RIOX2: variants seen among roughly 807,000 people sequenced by gnomAD.
The protein encoded by RIOX2 is ribosomal oxygenase 2.
Under a neutral mutation model 51.2 loss-of-function variants are expected in RIOX2, and 43 were observed. The observed-to-expected ratio is 0.84, with a 90% CI of 0.66 to 1.08. RIOX2 has a LOEUF of 1.08. RIOX2 is among the 50% of genes least tolerant of loss of function. RIOX2 has a pLI of 0.00. For missense variants in RIOX2, 566 were observed against 561.7 expected (o/e 1.01, Z -0.08); for synonymous variants, 226 against 218.5 (o/e 1.03, Z -0.30).
At position 97,967,642 on chromosome 3, in the gene RIOX2, G is replaced by C; in HGVS notation, c.-39-10C>G. The C allele has an allele frequency of 6.7e-7, 1 of 1,501,814 alleles. No homozygotes were observed. Among genetic ancestry groups the C allele is most frequent in the Non-Finnish European group, 8.8e-7 (1 of 1,130,688 alleles). The allele number at this position is 1,501,814 out of a possible 1,614,324, so 93.0% of individuals were successfully genotyped here. On this transcript the variant is annotated splice_polypyrimidine_tract_variant and intron_variant, in intron 1 of 9. Coordinates refer to ENST00000394198, the MANE Select transcript of RIOX2 (RefSeq NM_153182.4). ...GTAAGGAAATGCAAACCTACCAAAA[G>C]AACAAAACACACATGGTTAGGTTTA... is the stretch of plus-strand genomic sequence containing the variant.
chr3:97,959,295 G>T, intron 3 of RIOX2, 116 bp from the exon 4 acceptor site: 42 of 498,068 alleles, frequency 8.4e-5, no homozygotes, highest in East Asian at 1.3e-4. Flanking sequence ...GGTGAACCTT[G>T]AACAACACAG....
At chr3:97,947,338 A>T (rs751188818) in intron 8 of RIOX2, 23 bp downstream of exon 8, 5 of 1,500,066 alleles carry the variant, frequency 3.3e-6, no homozygotes, top group South Asian at 1.2e-5. Context: ...AAGACAGGAA[A>T]TCTCCTCCTC....
intron 2 of RIOX2, among the ~76,000 whole-genome samples, chr3:97,963,843 G>A (rs903575691): frequency 1.3e-5 from 2 of 152,176 alleles, no homozygotes; most frequent in Non-Finnish European, 2.9e-5. Context: ...TACTAGAAGA[G>A]ATCTGGAGTC....
chr3:97,943,632 T>C lies in RIOX2; in HGVS notation c.*1552A>G. 3.4e-6 allele frequency: 1 copy of C among 290,278 alleles called. No individual in the cohort carries two copies. Among genetic ancestry groups the C allele is most frequent in the Non-Finnish European group, 6.3e-6 (1 of 158,274 alleles). 18.0% of individuals were successfully genotyped at this position (290,278 alleles called of 1,614,324 possible). A position where few individuals can be genotyped will look rare whatever the true frequency, so the allele number is the denominator to read the frequency against. On this transcript the variant is annotated 3_prime_UTR_variant, in exon 10 of 10. Coordinates refer to ENST00000394198, the MANE Select transcript of RIOX2 (RefSeq NM_153182.4). ...ATCCACCAAACGTGAATCCTGTTCCTGATGGCCCGTTATTGGACACTGGTG... is the reference window on the plus strand; with the variant it reads ...ATCCACCAAACGTGAATCCTGTTCCCGATGGCCCGTTATTGGACACTGGTG...
chr3:97,952,616 A>G (rs1308360343), intron 5 of RIOX2, among the ~76,000 whole-genome samples: 1 of 152,236 alleles, frequency 6.6e-6, no homozygotes, highest in Non-Finnish European at 1.5e-5. Flanking sequence ...AGAGAATTAC[A>G]GAAAGGGAGT....
chr3:97,953,382 A>AT (rs533480158), intron 5 of RIOX2, among the ~76,000 whole-genome samples: 3,011 of 145,538 alleles, frequency 0.021, 64 homozygotes, highest in African/African-American at 0.058. Context: ...CATGACTAGT[A>AT]TTTTTTTTTT....
intron 5 of RIOX2, among the ~76,000 whole-genome samples, chr3:97,951,816 C>G (rs1705266842): frequency 6.6e-6 from 1 of 152,232 alleles, no homozygotes; most frequent in Admixed American, 6.5e-5. Flanking sequence ...GGCGGCCTCA[C>G]TGCTTTGTGA....
rs2040286019 is a variant in RIOX2, at chr3:97,943,684, A to G, written c.*1500T>C. On this transcript the variant is annotated 3_prime_UTR_variant, in exon 10 of 10. Coordinates refer to ENST00000394198, the MANE Select transcript of RIOX2 (RefSeq NM_153182.4). ...TGCTATTATCCTGTATTATTTATTAATATCCTACCTAGATGCTTGTATGAG... is the reference window on the plus strand; with the variant it reads ...TGCTATTATCCTGTATTATTTATTAGTATCCTACCTAGATGCTTGTATGAG... 2 of 200,566 alleles carry G rather than the reference A, an allele frequency of 1.0e-5. No homozygotes were observed. Among genetic ancestry groups the G allele is most frequent in the African/African-American group, 2.4e-5 (1 of 41,952 alleles). The allele number at this position is 200,566 out of a possible 1,614,324, so 12.4% of individuals were successfully genotyped here. A position where few individuals can be genotyped will look rare whatever the true frequency, so the allele number is the denominator to read the frequency against.
chr3:97,960,665 T>G (rs771107884), intron 3 of RIOX2, among the ~76,000 whole-genome samples: 110 of 152,352 alleles, frequency 7.2e-4, no homozygotes, highest in Non-Finnish European at 1.4e-3. Context: ...CTGGGTTTTA[T>G]TTTTAAAAAC....
intron 1 of RIOX2, chr3:97,971,788 C>G (rs1334979026): frequency 6.6e-6 from 1 of 152,258 alleles, no homozygotes; most frequent in Non-Finnish European, 1.5e-5. Flanking sequence ...TTCCTGAAAA[C>G]AGTGAATAAC....
At chr3:97,946,348 A>G (rs1476795170) in intron 8 of RIOX2, among the ~76,000 whole-genome samples, 1 of 151,806 alleles carries the variant, frequency 6.6e-6, no homozygotes, top group Non-Finnish European at 1.5e-5. Flanking sequence ...CAGCTGTGTG[A>G]TCGATAAAAA....
chr3:97,959,436 C>A (rs202160480), intron 3 of RIOX2, among the ~76,000 whole-genome samples: 1 of 151,776 alleles, frequency 6.6e-6, no homozygotes, highest in Non-Finnish European at 1.5e-5. Context: ...TCCTCTTGCC[C>A]TAGCTTCCTG....
chr3:97,943,050 A>C lies in RIOX2; in HGVS notation c.*2134T>G. 1.7e-6 allele frequency: 1 copy of C among 574,088 alleles called. No homozygotes were observed. Among genetic ancestry groups the C allele is most frequent in the Non-Finnish European group, 3.1e-6 (1 of 326,640 alleles). The allele number at this position is 574,088 out of a possible 1,614,324, so 35.6% of individuals were successfully genotyped here. On this transcript the variant is annotated 3_prime_UTR_variant, in exon 10 of 10. Transcript: ENST00000394198. ...TTCAATTTGAGTCATAATAAGGTCC[A>C]ATTTGAGGTGAATAATGGCTAAGCC...
intron 4 of RIOX2, among the ~76,000 whole-genome samples, chr3:97,958,097 T>C (rs1705521065): frequency 6.6e-6 from 1 of 152,204 alleles, no homozygotes; most frequent in Non-Finnish European, 1.5e-5. Context: ...TCCTGTAATA[T>C]AGGCACCCAT....
In RIOX2 at chr3:97,967,283, C is replaced by T. The variant is rs746870428; in HGVS notation, c.311G>A (p.Arg104Gln). 6.6e-5 allele frequency: 107 copies of T among 1,613,974 alleles called. No individual in the cohort carries two copies. Among genetic ancestry groups the T allele is most frequent in the Middle Eastern group, 4.9e-4 (3 of 6,084 alleles). ...MYYGRDVNVC[R>Q]CVNGKKKVLN... is the part of the protein sequence containing the mutation. ...AACCTTCTTCTTCCCATTGACACAC[C>T]GGCAGACATTCACATCTCTTCCATA... is the stretch of plus-strand genomic sequence containing the variant. The change falls in exon 2 of 10, where the codon CGG (arginine) becomes CAG (glutamine). Residue 104 changes from arginine (R) to glutamine (Q), a missense_variant. Transcript: ENST00000394198.
intron 1 of RIOX2, chr3:97,971,651 A>G (rs1347926993): frequency 6.6e-6 from 1 of 152,218 alleles, no homozygotes; most frequent in African/African-American, 2.4e-5. Context: ...AAAAACCAGT[A>G]CCAGCAGAAG....
At chr3:97,970,209 T>C (rs1243957561) in intron 1 of RIOX2, among the ~76,000 whole-genome samples, 1 of 152,224 alleles carries the variant, frequency 6.6e-6, no homozygotes, top group African/African-American at 2.4e-5. Context: ...CTTAAAAGAA[T>C]CTTTCCCATC....
intron 5 of RIOX2, chr3:97,952,291 T>G (rs1253440664): frequency 8.3e-7 from 1 of 1,198,926 alleles, no homozygotes; most frequent in South Asian, 1.3e-5. Context: ...CTGGACACAT[T>G]GATCATGGTA....
chr3:97,969,725 T>G (rs1038606268), intron 1 of RIOX2, among the ~76,000 whole-genome samples: 5 of 152,218 alleles, frequency 3.3e-5, no homozygotes, highest in African/African-American at 1.2e-4. Context: ...ATTTCACAAG[T>G]GTTGACACAA....
Sources: allele counts gnomAD v4.1 joint callset (sites outside exome capture counted in the v4.1 genomes callset), GRCh38; gene constraint gnomAD v4.1.1; transcripts MANE v1.5; gene names NCBI Gene and HGNC (gene_info 2026-07-23, HGNC 2026-07-21).